Variants in BAP1 observed in about 807,000 individuals in gnomAD.
The protein encoded by BAP1 is BRCA1 associated deubiquitinase 1, also known as ubiquitin carboxyl-terminal hydrolase BAP1.
In BAP1, 16 loss-of-function variants were observed where a neutral mutation model predicts 77.2. The observed-to-expected ratio is 0.21, with a 90% CI of 0.14 to 0.31. The LOEUF (loss-of-function observed/expected upper bound fraction) is 0.31. Among genes scored for constraint, BAP1 ranks in the 10% least tolerant of loss-of-function variants. The pLI is 1.00. For synonymous variants in BAP1, 362 were observed against 385.2 expected (o/e 0.94, Z 0.71); for missense variants, 699 against 967.3 (o/e 0.72, Z 3.68).
intron 11 of BAP1, among the ~76,000 whole-genome samples, 170 bp downstream of exon 11, chr3:52,404,940 C>CT (rs1343888770): frequency 2.6e-5 from 4 of 152,222 alleles, no homozygotes; most frequent in African/African-American, 9.6e-5. Context: ...TAAGCTCCTG[C>CT]TGTTGTGGGG....
chr3:52,403,963 G>T lies in BAP1; in HGVS notation c.1251-69C>A. The T allele has an allele frequency of 1.3e-6, 2 of 1,527,180 alleles. No individual in the cohort carries two copies. The highest frequency in any genetic ancestry group is 1.8e-4 in the Middle Eastern group (1 of 5,678). 94.6% of individuals were successfully genotyped at this position (1,527,180 alleles called of 1,614,324 possible). A position where few individuals can be genotyped will look rare whatever the true frequency, so the allele number is the denominator to read the frequency against. On this transcript the variant is annotated intron_variant, in intron 12 of 16. Coordinates refer to ENST00000460680, the MANE Select transcript of BAP1 (RefSeq NM_004656.4). This position sits in a 1 kb window ranked among gnomAD's most constrained non-coding sequence, Gnocchi z 4.0. Reference sequence around the variant, plus strand: ...GACCATACCCAGCAGTACCCAGAATGGCTTAAATACATCCCGACCTCCAGG... The same window carrying T: ...GACCATACCCAGCAGTACCCAGAATTGCTTAAATACATCCCGACCTCCAGG...
rs1022817133 is a variant in BAP1, at chr3:52,404,408, A to C, written c.1250+45T>G. 34 of 1,613,966 alleles carry C rather than the reference A, an allele frequency of 2.1e-5. No individual in the cohort carries two copies. In the Admixed American group the frequency reaches 3.3e-4, roughly 16 times the overall value. ...CACAGACTGAGATATTCAGGATGGG[A>C]TCCGAAGCACCTAGAACCTGGTAGC... is the stretch of plus-strand genomic sequence containing the variant. On this transcript the variant is annotated intron_variant, in intron 12 of 16. Coordinates refer to ENST00000460680, the MANE Select transcript of BAP1 (RefSeq NM_004656.4).
chr3:52,406,543 G>T lies in BAP1; in HGVS notation c.660-167C>A. ...GCCATACATGCCAGGCACCTGAGCT[G>T]GTACCTTCCAACAAGCTGTATGAGG... On this transcript the variant is annotated intron_variant, in intron 8 of 16. Coordinates refer to ENST00000460680, the MANE Select transcript of BAP1 (RefSeq NM_004656.4). The surrounding 1 kb of genome is among the most constrained non-coding windows in gnomAD (Gnocchi z 4.6). 2.7e-6 allele frequency: 3 copies of T among 1,102,388 alleles called. No homozygotes were observed. In the South Asian group the frequency reaches 4.2e-5, roughly 15 times the overall value. The allele number at this position is 1,102,388 out of a possible 1,614,324, so 68.3% of individuals were successfully genotyped here.
At chr3:52,409,276 C>T (rs1307160034) in intron 3 of BAP1, among the ~76,000 whole-genome samples, 4 of 152,166 alleles carry the variant, frequency 2.6e-5, no homozygotes, top group East Asian at 1.9e-4. Flanking sequence ...ATTGTGTGAC[C>T]GGGGTCTTCC....
rs1705109194 is a variant in BAP1 at position 52,405,190 on chromosome 3, C to T, written c.1036G>A (p.Val346Ile). The T allele has an allele frequency of 6.2e-7, 1 of 1,614,094 alleles. No homozygotes were observed. The highest frequency in any genetic ancestry group is 2.2e-5 in the East Asian group (1 of 44,886). The change falls in exon 11 of 17, where the codon GTT becomes ATT. Residue 346 changes from valine (V) to isoleucine (I), a missense_variant. By Grantham distance (29) the Val-to-Ile change is conservative. Around this residue, in one of 3 missense-constraint regions of BAP1, gnomAD observed 475 missense variants for 532.4 expected, o/e 0.89. Coordinates refer to ENST00000460680, the MANE Select transcript of BAP1 (RefSeq NM_004656.4). ...VKPPGSSLNGVHPNPTPIVQR... is the reference protein window; with the variant it reads ...VKPPGSSLNGIHPNPTPIVQR... ...ACAATGGGAGTGGGGTTGGGGTGAA[C>T]CCCATTGAGGCTGCTGCCTGGAGGC...
rs2153226400 is a variant in BAP1 at position 52,403,080 on chromosome 3, G to A, written c.1890+58C>T. ...TCAAGAACTTGGCACCTGGGCAGGA[G>A]GAGCTCAGGCCTTACCCTCTGCCAG... On this transcript the variant is annotated intron_variant, in intron 14 of 16. Transcript: ENST00000460680. The surrounding 1 kb of genome is among the most constrained non-coding windows in gnomAD (Gnocchi z 4.0). 1 of 1,604,942 alleles carries A rather than the reference G, an allele frequency of 6.2e-7. No homozygotes were observed. The highest frequency in any genetic ancestry group is 1.7e-5 in the Admixed American group (1 of 60,016).
At chr3:52,407,149 C>G (rs2153227750) in intron 7 of BAP1, 25 bp downstream of exon 7, 1 of 1,613,184 alleles carries the variant, frequency 6.2e-7, no homozygotes, top group East Asian at 2.2e-5. Flanking sequence ...AGACACCCAA[C>G]AGGCCTCCAG....
At chr3:52,407,045 C>A in intron 7 of BAP1, 129 bp downstream of exon 7, 2 of 1,529,372 alleles carry the variant, frequency 1.3e-6, no homozygotes, top group Non-Finnish European at 1.8e-6. Flanking sequence ...AGGGTGAAAC[C>A]CCAGCCAGAG....
intron 3 of BAP1, among the ~76,000 whole-genome samples, chr3:52,409,078 G>T (rs1705264616): frequency 6.6e-6 from 1 of 152,204 alleles, no homozygotes; most frequent in African/African-American, 2.4e-5. Context: ...GTTCAGTCAC[G>T]GTTGCTACTG....
Position 52,402,135 on chromosome 3 carries a change from G to T in BAP1, c.*153C>A. The T allele has an allele frequency of 7.6e-7, 1 of 1,315,568 alleles. No individual in the cohort carries two copies. Among genetic ancestry groups the T allele is most frequent in the South Asian group, 1.4e-5 (1 of 71,640 alleles). 81.5% of individuals were successfully genotyped at this position (1,315,568 alleles called of 1,614,324 possible). ...CCGTGTCAGGCCTCAGGGCACGATG[G>T]AAGGAATGTGGCCTGGTTCCTCCCA... On this transcript the variant is annotated 3_prime_UTR_variant, in exon 17 of 17. Transcript: ENST00000460680. The surrounding 1 kb of genome is among the most constrained non-coding windows in gnomAD (Gnocchi z 5.3).
chr3:52,403,923 G>A lies in BAP1; in HGVS notation c.1251-29C>T. 6.2e-7 allele frequency: 1 copy of A among 1,611,582 alleles called. No individual in the cohort carries two copies. Among genetic ancestry groups the A allele is most frequent in the Non-Finnish European group, 8.5e-7 (1 of 1,178,632 alleles). ...TGGGGCCCGAGAAGATGTGAAGCAAGGGAACGGGCCAGGTGACCATACCCA... is the reference window on the plus strand; with the variant it reads ...TGGGGCCCGAGAAGATGTGAAGCAAAGGAACGGGCCAGGTGACCATACCCA... On this transcript the variant is annotated intron_variant, in intron 12 of 16. Transcript: ENST00000460680. This position sits in a 1 kb window ranked among gnomAD's most constrained non-coding sequence, Gnocchi z 4.0.
rs1578225923 is a variant in BAP1 at position 52,406,897 on chromosome 3, C to A, written c.591G>T (p.Gly197=). The A allele has an allele frequency of 5.1e-6, 8 of 1,571,230 alleles. No homozygotes were observed. The highest frequency in any genetic ancestry group is 6.9e-6 in the Non-Finnish European group (8 of 1,157,258). ...KVYPIDHGPW[G]EDEEWTDKAR... ...CCTTGTCTGTCCACTCCTCGTCCTC[C>A]CCCCAGGGCCCTAGTGGAGACCAAG... Residue 197 remains glycine, a synonymous_variant, in exon 8 of 17, where the codon GGG becomes GGT. Coordinates refer to ENST00000460680, the MANE Select transcript of BAP1 (RefSeq NM_004656.4). The surrounding 1 kb of genome is among the most constrained non-coding windows in gnomAD (Gnocchi z 4.6).
At position 52,406,331 on chromosome 3, in the gene BAP1, G is replaced by A. The variant is rs138180791; in HGVS notation, c.705C>T (p.Pro235=). The A allele has an allele frequency of 5.2e-5, 84 of 1,614,124 alleles. No homozygotes were observed. The highest frequency in any genetic ancestry group is 1.6e-4 in the Middle Eastern group (1 of 6,062). The part of the protein sequence containing the change: ...DIRFNLMAVV[P]DRRIKYEARL... ...TGGCCTCATACTTGATCCTGCGGTC[G>A]GGCACCACTGCCATCAGGTTGAAGC... Residue 235 remains proline (P), a synonymous_variant, in exon 9 of 17, where the codon CCC becomes CCT. Coordinates refer to ENST00000460680, the MANE Select transcript of BAP1 (RefSeq NM_004656.4). This position sits in a 1 kb window ranked among gnomAD's most constrained non-coding sequence, Gnocchi z 4.6.
chr3:52,405,592 GC>G, intron 10 of BAP1, 172 bp downstream of exon 10: 1 of 980,348 alleles, frequency 1.0e-6, no homozygotes, highest in Admixed American at 2.4e-5. Flanking sequence ...GGTAACAGCG[GC>G]CCTTTACAGG....
Position 52,403,610 on chromosome 3 carries a change from C to A in BAP1, c.1535G>T (p.Arg512Leu), listed in dbSNP as rs778596308. 1.2e-6 allele frequency: 2 copies of A among 1,614,100 alleles called. No individual in the cohort carries two copies. Among genetic ancestry groups the A allele is most frequent in the Non-Finnish European group, 1.7e-6 (2 of 1,180,014 alleles). The part of the protein sequence containing the change: ...AFNSPLRSPI[R>L]SANPTRPSSP... Reference sequence around the variant, plus strand: ...GGAGGGCCGCGTCGGGTTGGCTGAGCGGATAGGCGAGCGCAGTGGCGAGTT... The same window carrying A: ...GGAGGGCCGCGTCGGGTTGGCTGAGAGGATAGGCGAGCGCAGTGGCGAGTT... Residue 512 changes from arginine to leucine, a missense_variant, in exon 13 of 17, where the codon CGC becomes CTC. Arg to Leu is a moderately radical substitution (Grantham distance 102, BLOSUM62 -2). Coordinates refer to ENST00000460680, the MANE Select transcript of BAP1 (RefSeq NM_004656.4). This position sits in a 1 kb window ranked among gnomAD's most constrained non-coding sequence, Gnocchi z 4.0.
Position 52,401,351 on chromosome 3 carries a change from G to T in BAP1, c.*937C>A, listed in dbSNP as rs148164249. Reference sequence around the variant, plus strand: ...GAGGCTGAGGAAACTGGAGTAGCAGGAAGAGCTGAGTGGTGCCAGCTTCCT... The same window carrying T: ...GAGGCTGAGGAAACTGGAGTAGCAGTAAGAGCTGAGTGGTGCCAGCTTCCT... On this transcript the variant is annotated 3_prime_UTR_variant, in exon 17 of 17. Transcript: ENST00000460680. The T allele has an allele frequency of 3.4e-4, 79 of 233,476 alleles. No homozygotes were observed. Among genetic ancestry groups the T allele is most frequent in the African/African-American group, 1.6e-3 (73 of 45,454 alleles). The allele number at this position is 233,476 out of a possible 1,614,324, so 14.5% of individuals were successfully genotyped here. A position where few individuals can be genotyped will look rare whatever the true frequency, so the allele number is the denominator to read the frequency against.
In BAP1 at chr3:52,402,581, G is replaced by T; in HGVS notation, c.2056+21C>A. 1.2e-6 allele frequency: 2 copies of T among 1,613,948 alleles called. No individual in the cohort carries two copies. The highest frequency in any genetic ancestry group is 2.2e-5 in the South Asian group (2 of 91,044). The stretch of plus-strand genomic sequence containing the variant: ...GCCCTCAGCAGGGCATTCCAGTTAA[G>T]ACAGCAGCGCATCCCCTCACCTTCC... On this transcript the variant is annotated intron_variant, in intron 16 of 16. Transcript: ENST00000460680. This position sits in a 1 kb window ranked among gnomAD's most constrained non-coding sequence, Gnocchi z 5.3.
chr3:52,404,990 C>G, intron 11 of BAP1, 120 bp downstream of exon 11: 1 of 1,383,740 alleles, frequency 7.2e-7, no homozygotes, highest in Non-Finnish European at 1.0e-6. Context: ...CAACCCAGGC[C>G]CAGGCAGCTT....
rs371637639 is a variant in BAP1 at position 52,402,910 on chromosome 3, C to T, written c.1891-39G>A. Reference sequence around the variant, plus strand: ...GCATTGCACCTCTGATCGGGGCGGGCCAGCAACAAAGCCCCACGAGCAATA... The same window carrying T: ...GCATTGCACCTCTGATCGGGGCGGGTCAGCAACAAAGCCCCACGAGCAATA... On this transcript the variant is annotated intron_variant, in intron 14 of 16. Transcript: ENST00000460680. This position sits in a 1 kb window ranked among gnomAD's most constrained non-coding sequence, Gnocchi z 5.3. The T allele has an allele frequency of 7.4e-5, 119 of 1,613,522 alleles. No individual in the cohort carries two copies. The highest frequency in any genetic ancestry group is 6.6e-4 in the Middle Eastern group (4 of 6,084).
Sources: allele counts gnomAD v4.1 joint callset (sites outside exome capture counted in the v4.1 genomes callset), GRCh38; gene constraint gnomAD v4.1.1; regional missense constraint gnomAD v4.1.1; non-coding constraint Gnocchi (gnomAD v3.1); transcripts MANE v1.5; gene names NCBI Gene and HGNC (gene_info 2026-07-23, HGNC 2026-07-21).